The following CUX2 variants were observed in gnomAD, a reference collection of about 807,000 sequenced individuals.
The protein encoded by CUX2 is cut like homeobox 2, also known as homeobox protein cut-like 2.
CUX2 carries 40 observed loss-of-function variants against 144.8 expected under a neutral mutation model. The observed-to-expected ratio is 0.28, with a 90% confidence interval of 0.21 to 0.36. CUX2 has a LOEUF of 0.36. Among genes scored for constraint, CUX2 ranks in the 10% least tolerant of loss-of-function variants. The probability of loss-of-function intolerance (pLI) is 1.00; values close to 1 mark genes in which losing one functional copy is unlikely to be tolerated. For missense variants in CUX2, 1,615 were observed against 1,994.0 expected (o/e 0.81, Z 3.62); for synonymous variants, 827 against 875.6 (o/e 0.94, Z 0.98).
intron 4 of CUX2, among the ~76,000 whole-genome samples, chr12:111,265,020 CA>C (rs1884308582): frequency 6.6e-6 from 1 of 151,818 alleles, no homozygotes. Flanking sequence ...TGTAGAACAT[CA>C]AGAATGTACT....
At chr12:111,276,837 G>A (rs868549163) in intron 4 of CUX2, among the ~76,000 whole-genome samples, 123 of 152,140 alleles carry the variant, frequency 8.1e-4, no homozygotes, top group African/African-American at 2.8e-3. Flanking sequence ...TAGTAGAGAC[G>A]GGGTGTCACC....
chr12:111,107,723 C>A (rs567335457), intron 1 of CUX2, among the ~76,000 whole-genome samples: 1 of 151,778 alleles, frequency 6.6e-6, no homozygotes, highest in East Asian at 1.9e-4. Flanking sequence ...GGATGAAAAG[C>A]AAATAAATGA....
chr12:111,310,494 T>A lies in CUX2; in HGVS notation c.1712T>A (p.Ile571Asn). ...AAGGAGCAGCTGCTGAAACACAACA[T>A]CGGGCAGCGGGTGTTTGGGCATTAC... is the stretch of plus-strand genomic sequence containing the variant. ...QVKEQLLKHN[I>N]GQRVFGHYVL... is the part of the protein sequence containing the mutation. The change falls in exon 15 of 22, where the codon ATC (isoleucine) becomes AAC (asparagine). Residue 571 changes from isoleucine (I) to asparagine (N), a missense_variant. Around this residue, in one of 12 missense-constraint regions of CUX2, gnomAD observed 71 missense variants for 142.3 expected, o/e 0.50. Transcript: ENST00000261726. This position sits in a 1 kb window ranked among gnomAD's most constrained non-coding sequence, Gnocchi z 7.9. 6.2e-7 allele frequency: 1 copy of A among 1,613,872 alleles called. No homozygotes were observed. The highest frequency in any genetic ancestry group is 8.5e-7 in the Non-Finnish European group (1 of 1,179,972).
Position 111,037,105 on chromosome 12 carries a change from G to C in CUX2, c.63+2865G>C, listed in dbSNP as rs972137597. 6.6e-6 allele frequency among the ~76,000 whole-genome samples: 1 copy of C among 152,184 alleles called. No homozygotes were observed. The highest frequency in any genetic ancestry group is 1.5e-5 in the Non-Finnish European group (1 of 68,022). On this transcript the variant is annotated intron_variant, in intron 1 of 21. Transcript: ENST00000261726. This position sits in a 1 kb window ranked among gnomAD's most constrained non-coding sequence, Gnocchi z 5.4. ...GAGAACTTCTGCCGGCTTTTTCTGA[G>C]ATCCAGGTAGGAGAGGCAGGTCCCC...
intron 1 of CUX2, among the ~76,000 whole-genome samples, chr12:111,065,308 A>G (rs1004101425): frequency 6.6e-6 from 1 of 152,252 alleles, no homozygotes; most frequent in African/African-American, 2.4e-5. Context: ...GATTTGGCCT[A>G]CAGGTCACTG....
At chr12:111,139,563 C>T (rs147515588) in intron 1 of CUX2, among the ~76,000 whole-genome samples, 6 of 152,244 alleles carry the variant, frequency 3.9e-5, no homozygotes, top group East Asian at 1.9e-4. Flanking sequence ...TCTAAGGCAG[C>T]GGGCATTTCT....
chr12:111,093,970 G>A (rs971576553), intron 1 of CUX2, among the ~76,000 whole-genome samples: 3 of 152,160 alleles, frequency 2.0e-5, no homozygotes, highest in South Asian at 4.1e-4. Flanking sequence ...ATCTATAGTC[G>A]TTCGCGCCAG....
intron 1 of CUX2, among the ~76,000 whole-genome samples, chr12:111,084,807 A>G (rs1872108514): frequency 1.3e-5 from 2 of 151,920 alleles, no homozygotes; most frequent in South Asian, 2.1e-4. Flanking sequence ...GCGGGCTGGT[A>G]GACAGCCCGC....
At chr12:111,135,646 G>T (rs1875829905) in intron 1 of CUX2, among the ~76,000 whole-genome samples, 1 of 152,186 alleles carries the variant, frequency 6.6e-6, no homozygotes, top group South Asian at 2.1e-4. Context: ...ATATTATTCA[G>T]CCATGAAAAA....
intron 1 of CUX2, among the ~76,000 whole-genome samples, chr12:111,126,091 G>A (rs1336278848): frequency 6.6e-6 from 1 of 151,566 alleles, no homozygotes; most frequent in Non-Finnish European, 1.5e-5. Flanking sequence ...TGTTCATGGA[G>A]GCTGAGAAGT....
rs184080856 is a variant in CUX2, at chr12:111,133,282, A to C, written c.64-80918A>C. Among the ~76,000 whole-genome samples, 8 of 152,034 alleles carry C rather than the reference A, an allele frequency of 5.3e-5. No homozygotes were observed. The East Asian group carries it at 1.5e-3, about 29-fold the overall frequency. On this transcript the variant is annotated intron_variant, in intron 1 of 21. Coordinates refer to ENST00000261726, the MANE Select transcript of CUX2 (RefSeq NM_015267.4). ...TGTCTTTTCAGCAACACCCCACTCTACTGGTACCAATTTACTATATTAGTT... is the reference window on the plus strand; with the variant it reads ...TGTCTTTTCAGCAACACCCCACTCTCCTGGTACCAATTTACTATATTAGTT...
intron 21 of CUX2, 76 bp downstream of exon 21, chr12:111,342,129 G>T (rs1380259537): frequency 1.3e-6 from 2 of 1,518,102 alleles, no homozygotes; most frequent in Non-Finnish European, 1.8e-6. Context: ...AGGGCCTGGA[G>T]GGAGCCCCAC....
intron 1 of CUX2, among the ~76,000 whole-genome samples, chr12:111,181,267 C>T (rs1047501322): frequency 6.6e-6 from 1 of 152,192 alleles, no homozygotes; most frequent in Non-Finnish European, 1.5e-5. Flanking sequence ...AAATTTATTG[C>T]TCTTCCGCTG....
intron 3 of CUX2, among the ~76,000 whole-genome samples, chr12:111,237,040 T>C (rs899531081): frequency 1.3e-5 from 2 of 152,098 alleles, no homozygotes; most frequent in Non-Finnish European, 2.9e-5. Flanking sequence ...TCCTAGCTAC[T>C]TGGGAGGCTG....
intron 1 of CUX2, among the ~76,000 whole-genome samples, chr12:111,182,507 C>T (rs542961892): frequency 1.4e-4 from 21 of 152,334 alleles, no homozygotes; most frequent in African/African-American, 4.6e-4. Flanking sequence ...CAGTTGTAAA[C>T]TCGAGACCAT....
At chr12:111,154,656 G>A (rs1343762153) in intron 1 of CUX2, among the ~76,000 whole-genome samples, 1 of 152,186 alleles carries the variant, frequency 6.6e-6, no homozygotes, top group East Asian at 1.9e-4. Context: ...ATAATAAAAT[G>A]GGACCTCGTG....
At chr12:111,217,759 C>T in intron 2 of CUX2, 131 bp from the exon 3 acceptor site, 1 of 913,646 alleles carries the variant, frequency 1.1e-6, no homozygotes, top group South Asian at 1.4e-5. Context: ...CTTGTGAAAT[C>T]CAATGGAGTT....
intron 1 of CUX2, among the ~76,000 whole-genome samples, chr12:111,040,657 C>G (rs1207813124): frequency 2.6e-5 from 4 of 152,096 alleles, no homozygotes. Flanking sequence ...CTAAGGACAC[C>G]CCAGAGGGTT....
At chr12:111,343,059 G>T (rs560585911) in intron 21 of CUX2, among the ~76,000 whole-genome samples, 1 of 150,852 alleles carries the variant, frequency 6.6e-6, no homozygotes, top group Non-Finnish European at 1.5e-5. Flanking sequence ...TTTGCCTTGC[G>T]TCTGCCTCAA....
Sources: allele counts gnomAD v4.1 joint callset (sites outside exome capture counted in the v4.1 genomes callset), GRCh38; gene constraint gnomAD v4.1.1; regional missense constraint gnomAD v4.1.1; non-coding constraint Gnocchi (gnomAD v3.1); transcripts MANE v1.5; gene names NCBI Gene and HGNC (gene_info 2026-07-23, HGNC 2026-07-21).